The following OPCML variants were observed in gnomAD, a reference collection of about 807,000 sequenced individuals.
The protein encoded by OPCML is opioid binding protein/cell adhesion molecule like, also known as opioid-binding protein/cell adhesion molecule.
OPCML carries 13 observed loss-of-function variants against 37.8 expected under a neutral mutation model. The observed-to-expected ratio is 0.34, with a 90% confidence interval of 0.22 to 0.55. The LOEUF (loss-of-function observed/expected upper bound fraction) is 0.55. OPCML is among the 20% of genes least tolerant of loss of function. The pLI, the probability that OPCML is intolerant of heterozygous loss-of-function variation, is 0.91. For synonymous variants in OPCML, 176 were observed against 168.8 expected (o/e 1.04, Z -0.33); for missense variants, 341 against 435.6 (o/e 0.78, Z 1.93).
chr11:132,668,540 A>G (rs1190865360), intron 2 of OPCML, among the ~76,000 whole-genome samples: 4 of 152,178 alleles, frequency 2.6e-5, no homozygotes, highest in African/African-American at 9.7e-5. Flanking sequence ...AATAGGAATT[A>G]TACTTGGTAA....
intron 2 of OPCML, among the ~76,000 whole-genome samples, chr11:132,690,960 C>A (rs970685636): frequency 6.6e-6 from 1 of 152,134 alleles, no homozygotes. Context: ...TTTACGAAAC[C>A]TTTCAGGTTG....
intron 2 of OPCML, among the ~76,000 whole-genome samples, chr11:132,763,579 T>A (rs1454582951): frequency 6.6e-6 from 1 of 152,198 alleles, no homozygotes; most frequent in Non-Finnish European, 1.5e-5. Context: ...GGAGATACTA[T>A]TAGTGATGCA....
At chr11:133,278,679 T>A (rs947287509) in intron 1 of OPCML, among the ~76,000 whole-genome samples, 29 of 152,222 alleles carry the variant, frequency 1.9e-4, no homozygotes, top group African/African-American at 7.0e-4. Context: ...AGCTAAAGAT[T>A]CAAGCTATAT....
intron 1 of OPCML, among the ~76,000 whole-genome samples, chr11:133,481,098 A>G (rs887167502): frequency 6.6e-6 from 1 of 152,256 alleles, no homozygotes; most frequent in African/African-American, 2.4e-5. Flanking sequence ...CCAATGCTAA[A>G]TAATTTTATC....
At chr11:133,423,302 T>C in intron 1 of OPCML, 1 of 985,400 alleles carries the variant, frequency 1.0e-6, no homozygotes. Flanking sequence ...AAGAATGAAG[T>C]TCTGAGGGAT....
Position 133,418,195 on chromosome 11 carries a change from C to T in OPCML, c.61+114069G>A, listed in dbSNP as rs374242260. ...CGCCTGTCTGCCATGGCAGGGTCTT[C>T]GGGTTTCCACCTGATAGGTGTGGTG... On this transcript the variant is annotated intron_variant, in intron 1 of 7. Transcript: ENST00000524381. 3.2e-3 allele frequency: 3,193 copies of T among 985,346 alleles called. 2 individuals are homozygous for T. The highest frequency in any genetic ancestry group is 3.7e-3 in the Non-Finnish European group (3,053 of 829,920). The allele number at this position is 985,346 out of a possible 1,614,324, so 61.0% of individuals were successfully genotyped here.
chr11:133,321,115 G>A lies in OPCML; in HGVS notation c.61+211149C>T, dbSNP rs116935277. ...ACCAGAACTTGGGGGAAGGTGGGGG[G>A]ACAATAAAACATGCCGTATTTGGTA... On this transcript the variant is annotated intron_variant, in intron 1 of 7. Coordinates refer to ENST00000524381, the MANE Select transcript of OPCML (RefSeq NM_001012393.5). 6.6e-3 allele frequency among the ~76,000 whole-genome samples: 1,004 copies of A among 152,178 alleles called. 2 individuals are homozygous for A. Among genetic ancestry groups the A allele is most frequent in the Middle Eastern group, 0.014 (4 of 294 alleles).
intron 2 of OPCML, among the ~76,000 whole-genome samples, chr11:132,663,674 T>C (rs907217818): frequency 2.0e-5 from 3 of 152,276 alleles, no homozygotes; most frequent in Admixed American, 2.0e-4. Context: ...GGCTCCACTG[T>C]AGTAATGAAG....
At chr11:132,763,309 A>G (rs747725106) in intron 2 of OPCML, among the ~76,000 whole-genome samples, 2 of 151,716 alleles carry the variant, frequency 1.3e-5, no homozygotes, top group Admixed American at 6.5e-5. Flanking sequence ...TGATTAAGTC[A>G]TTTAATCTAC....
intron 1 of OPCML, among the ~76,000 whole-genome samples, chr11:133,305,160 C>A (rs1260856361): frequency 6.6e-6 from 1 of 152,178 alleles, no homozygotes; most frequent in Non-Finnish European, 1.5e-5. Context: ...TAATATTTAT[C>A]TCACAGAGAT....
At chr11:133,515,930 T>C (rs1039108336) in intron 1 of OPCML, among the ~76,000 whole-genome samples, 3 of 150,170 alleles carry the variant, frequency 2.0e-5, no homozygotes, top group Non-Finnish European at 4.4e-5. Context: ...CTTCGCAGAG[T>C]GAGCAGTTGA....
chr11:133,341,994 C>G (rs951444637), intron 1 of OPCML, among the ~76,000 whole-genome samples: 4 of 152,060 alleles, frequency 2.6e-5, no homozygotes, highest in Non-Finnish European at 5.9e-5. Context: ...CCTGAAGGAA[C>G]AGCACTCTTT....
intron 4 of OPCML, among the ~76,000 whole-genome samples, chr11:132,452,697 A>G (rs1335035311): frequency 6.6e-6 from 1 of 151,464 alleles, no homozygotes; most frequent in Non-Finnish European, 1.5e-5. Context: ...CTCAACAAAC[A>G]TTTTTGAACT....
At chr11:132,504,737 G>T (rs1483213678) in intron 4 of OPCML, among the ~76,000 whole-genome samples, 1 of 152,144 alleles carries the variant, frequency 6.6e-6, no homozygotes, top group Non-Finnish European at 1.5e-5. Flanking sequence ...GTAAGACACA[G>T]GGTAAGCGTG....
At chr11:133,070,503 C>T (rs564919578) in intron 1 of OPCML, among the ~76,000 whole-genome samples, 9 of 152,270 alleles carry the variant, frequency 5.9e-5, no homozygotes, top group African/African-American at 1.9e-4. Context: ...CAGAGGCGGG[C>T]CCACAATTCT....
At chr11:132,756,928 C>G (rs562629638) in intron 2 of OPCML, among the ~76,000 whole-genome samples, 6 of 152,272 alleles carry the variant, frequency 3.9e-5, no homozygotes, top group Non-Finnish European at 8.8e-5. Flanking sequence ...TATTCCTACC[C>G]TTGCTCCCCA....
intron 2 of OPCML, among the ~76,000 whole-genome samples, chr11:132,822,003 C>T (rs748462634): frequency 1.2e-4 from 19 of 152,172 alleles, no homozygotes; most frequent in African/African-American, 4.3e-4. Context: ...AAAAATGGAA[C>T]GTAATCAGCC....
intron 2 of OPCML, among the ~76,000 whole-genome samples, chr11:132,729,025 G>A (rs895688590): frequency 5.9e-5 from 9 of 152,128 alleles, no homozygotes; most frequent in Non-Finnish European, 1.2e-4. Flanking sequence ...AATAAAAGCA[G>A]AAGGAAAAGG....
At chr11:132,605,403 A>T (rs886982153) in intron 3 of OPCML, among the ~76,000 whole-genome samples, 73 of 151,926 alleles carry the variant, frequency 4.8e-4, no homozygotes, top group African/African-American at 1.5e-3. Flanking sequence ...TAAAAATAAA[A>T]AAAAAAAAAA....
Sources: allele counts gnomAD v4.1 joint callset (sites outside exome capture counted in the v4.1 genomes callset), GRCh38; gene constraint gnomAD v4.1.1; transcripts MANE v1.5; gene names NCBI Gene and HGNC (gene_info 2026-07-23, HGNC 2026-07-21).